Variants in CARF observed in about 807,000 individuals in gnomAD.
CARF encodes the protein calcium-responsive transcription factor.
CARF carries 57 observed loss-of-function variants against 82.0 expected under a neutral mutation model. The observed-to-expected ratio is 0.70, with a 90% CI of 0.56 to 0.87. The LOEUF (loss-of-function observed/expected upper bound fraction) is 0.87. CARF is among the 40% of genes least tolerant of loss of function. CARF has a pLI of 0.00. For synonymous variants in CARF, 268 were observed against 290.1 expected (o/e 0.92, Z 0.77); for missense variants, 771 against 855.8 (o/e 0.90, Z 1.24).
chr2:202,918,562 A>C (rs936284852), intron 2 of CARF, among the ~76,000 whole-genome samples: 2 of 152,142 alleles, frequency 1.3e-5, no homozygotes, highest in African/African-American at 2.4e-5. Context: ...AACAAAAAAA[A>C]ACTTTACTTT....
chr2:202,937,213 A>G (rs573987160), intron 3 of CARF, among the ~76,000 whole-genome samples: 30 of 152,282 alleles, frequency 2.0e-4, no homozygotes, highest in Admixed American at 1.9e-3. Flanking sequence ...TGTGCATATT[A>G]TCATTGCTAT....
At chr2:202,933,226 G>A (rs1019434665) in intron 3 of CARF, among the ~76,000 whole-genome samples, 2 of 152,172 alleles carry the variant, frequency 1.3e-5, no homozygotes, top group Non-Finnish European at 2.9e-5. Context: ...ACTTGGGGAT[G>A]TTGGGCCACT....
At chr2:202,926,858 T>C (rs1419022825) in intron 3 of CARF, among the ~76,000 whole-genome samples, 1 of 152,242 alleles carries the variant, frequency 6.6e-6, no homozygotes, top group Non-Finnish European at 1.5e-5. Context: ...GGTCTTGCTC[T>C]GTCGCCCAGG....
intron 1 of CARF, among the ~76,000 whole-genome samples, chr2:202,916,782 G>T (rs1271631542): frequency 6.6e-6 from 1 of 152,148 alleles, no homozygotes; most frequent in African/African-American, 2.4e-5. Context: ...TAGAATTGCT[G>T]TTGAATAAGA....
At chr2:202,980,199 C>A (rs2060191001) in intron 14 of CARF, among the ~76,000 whole-genome samples, 1 of 152,140 alleles carries the variant, frequency 6.6e-6, no homozygotes, top group Non-Finnish European at 1.5e-5. Context: ...CTCAAGTTAT[C>A]CATCTGCTCT....
At chr2:202,941,379 C>G (rs2058222567) in intron 3 of CARF, among the ~76,000 whole-genome samples, 1 of 151,950 alleles carries the variant, frequency 6.6e-6, no homozygotes, top group South Asian at 2.1e-4. Flanking sequence ...CAAAGCTTGT[C>G]AAACTAATGT....
chr2:202,973,467 C>T (rs748759738), intron 12 of CARF: 53 of 433,506 alleles, frequency 1.2e-4, no homozygotes, highest in South Asian at 2.5e-4. Context: ...CTTTTGTCTC[C>T]GTGTAAAATT....
chr2:202,959,022 T>G (rs1367320241), intron 8 of CARF, among the ~76,000 whole-genome samples: 2 of 152,178 alleles, frequency 1.3e-5, no homozygotes, highest in Non-Finnish European at 2.9e-5. Flanking sequence ...GATGTTTTAC[T>G]ATAGGCATTT....
chr2:202,945,059 T>G (rs1356539812), intron 5 of CARF, among the ~76,000 whole-genome samples: 2 of 152,154 alleles, frequency 1.3e-5, no homozygotes, highest in East Asian at 3.8e-4. Flanking sequence ...AGAAACAGAT[T>G]ATAAGAAAGA....
chr2:202,921,959 A>G (rs1690892136), intron 2 of CARF, among the ~76,000 whole-genome samples: 3 of 150,498 alleles, frequency 2.0e-5, no homozygotes, highest in Non-Finnish European at 4.4e-5. Context: ...CCAAGAAGCT[A>G]TGGGGACTAT....
chr2:202,970,193 A>C, intron 11 of CARF, 131 bp downstream of exon 11: 1 of 805,704 alleles, frequency 1.2e-6, no homozygotes, highest in East Asian at 3.0e-5. Flanking sequence ...AGATATCAAT[A>C]GTTCCCTAGG....
intron 6 of CARF, among the ~76,000 whole-genome samples, chr2:202,953,498 G>GTTTTTTTTTTTTTTTTTTTTT (rs67855316): frequency 4.3e-5 from 3 of 70,294 alleles, no homozygotes; most frequent in African/African-American, 1.1e-4. Context: ...TTTTTTTGTT[G>GTTTTTTTTTTTTTTTTTTTTT]TTTTTTTTTT....
At chr2:202,925,170 G>T in intron 3 of CARF, 1 of 321,438 alleles carries the variant, frequency 3.1e-6, no homozygotes, top group South Asian at 2.8e-5. Flanking sequence ...ACTATCAAAA[G>T]TGTGAAGTTT....
In CARF at chr2:202,954,070, A is replaced by G. The variant is rs760550707; in HGVS notation, c.493A>G (p.Asn165Asp). ...PTVRVDTLAD[N>D]TSNYILHPQT... The stretch of plus-strand genomic sequence containing the variant: ...TGTAAGAGTGGATACTCTAGCAGAC[A>G]ATACCAGCAATTACATTCTTCATCC... The change falls in exon 7 of 17, where the codon AAT (asparagine) becomes GAT (aspartate). Residue 165 changes from asparagine to aspartate, a missense_variant. By Grantham distance (23) the Asn-to-Asp change is conservative. Transcript: ENST00000438828. 1.2e-6 allele frequency: 2 copies of G among 1,613,740 alleles called. No individual in the cohort carries two copies. Among genetic ancestry groups the G allele is most frequent in the Non-Finnish European group, 1.7e-6 (2 of 1,179,872 alleles).
intron 2 of CARF, among the ~76,000 whole-genome samples, chr2:202,921,464 C>T (rs1690775834): frequency 6.6e-6 from 1 of 152,160 alleles, no homozygotes; most frequent in Non-Finnish European, 1.5e-5. Flanking sequence ...AGTTAATTAG[C>T]AAACATGAGT....
chr2:202,915,927 TAG>T lies in CARF; in HGVS notation c.-329-1949_-329-1948del, dbSNP rs1457285178. 2.6e-5 allele frequency among the ~76,000 whole-genome samples: 4 copies of T among 152,140 alleles called. No individual in the cohort carries two copies. In the East Asian group the frequency reaches 5.8e-4, roughly 22 times the overall value. ...CCAGCAGAAAATTTAAAAATTAATATAGGTTATTGTTTATATATAATTGCATG... is the reference window on the plus strand; with the variant it reads ...CCAGCAGAAAATTTAAAAATTAATATGTTATTGTTTATATATAATTGCATG... On this transcript the variant is annotated intron_variant, in intron 1 of 16. Transcript: ENST00000438828.
At chr2:202,967,326 G>A (rs991110947) in intron 10 of CARF, among the ~76,000 whole-genome samples, 1 of 152,160 alleles carries the variant, frequency 6.6e-6, no homozygotes, top group Non-Finnish European at 1.5e-5. Flanking sequence ...GAGAGACAGA[G>A]ATCTCCTTCT....
At chr2:202,937,489 TCAGTTACCTAA>T (rs1274060209) in intron 3 of CARF, among the ~76,000 whole-genome samples, 1 of 152,190 alleles carries the variant, frequency 6.6e-6, no homozygotes, top group East Asian at 1.9e-4. Context: ...TGTGCTTTAT[TCAGTTACCTAA>T]CAGGTAAGAA....
chr2:202,979,155 G>A (rs2060146582), intron 14 of CARF, among the ~76,000 whole-genome samples: 1 of 152,272 alleles, frequency 6.6e-6, no homozygotes, highest in South Asian at 2.1e-4. Context: ...TACTCAGGAG[G>A]CTGAGGCAGG....
Sources: allele counts gnomAD v4.1 joint callset (sites outside exome capture counted in the v4.1 genomes callset), GRCh38; gene constraint gnomAD v4.1.1; transcripts MANE v1.5; gene names NCBI Gene and HGNC (gene_info 2026-07-23, HGNC 2026-07-21).